The following COL9A3 variants were observed in gnomAD, a reference collection of about 807,000 sequenced individuals.
The protein encoded by COL9A3 is collagen alpha-3(IX) chain.
Under a neutral mutation model 110.2 loss-of-function variants are expected in COL9A3, and 82 were observed. The ratio of observed to expected loss-of-function variants is 0.74; its 90% CI spans 0.62 to 0.89. The LOEUF (loss-of-function observed/expected upper bound fraction) is 0.89. COL9A3 is among the 40% of genes least tolerant of loss of function. The pLI, the probability that COL9A3 is intolerant of heterozygous loss-of-function variation, is 0.00. For missense variants in COL9A3, 1,066 were observed against 981.3 expected (o/e 1.09, Z -1.15); for synonymous variants, 494 against 403.8 (o/e 1.22, Z -2.68).
chr20:62,818,800 G>A (rs1472275497), intron 3 of COL9A3, among the ~76,000 whole-genome samples: 4 of 152,024 alleles, frequency 2.6e-5, no homozygotes, highest in East Asian at 3.9e-4. Context: ...CAGGCAGGCC[G>A]GGACCGGGGC....
chr20:62,836,445 C>T, intron 28 of COL9A3, 33 bp from the exon 29 acceptor site: 2 of 1,613,624 alleles, frequency 1.2e-6, no homozygotes, highest in Non-Finnish European at 1.7e-6. Context: ...GGCTGCCGCC[C>T]CCATGCTGAC....
At chr20:62,822,256 C>T (rs897702008) in intron 9 of COL9A3, 92 bp downstream of exon 9, 20 of 815,512 alleles carry the variant, frequency 2.5e-5, no homozygotes, top group Non-Finnish European at 3.7e-5. Flanking sequence ...GGCTCCATGC[C>T]CCTCCGAGAT....
rs1046584545 is a variant in COL9A3, at chr20:62,825,941, T to C, written c.684+71T>C. The C allele has an allele frequency of 2.1e-5, 31 of 1,486,876 alleles. No homozygotes were observed. In the African/African-American group the frequency reaches 3.8e-4, roughly 18 times the overall value. 92.1% of individuals were successfully genotyped at this position (1,486,876 alleles called of 1,614,324 possible). A position where few individuals can be genotyped will look rare whatever the true frequency, so the allele number is the denominator to read the frequency against. The stretch of plus-strand genomic sequence containing the variant: ...ACAGAGTGATCAAGCCCTGCACATA[T>C]CTACCCCCGAGGGGGCCAGCTCCGG... On this transcript the variant is annotated intron_variant, in intron 13 of 31. Transcript: ENST00000649368.
rs751999493 is a variant in COL9A3 at position 62,819,949 on chromosome 20, A to G, written c.276A>G (p.Gly92=). ...CCCAGGGTCTGACTGGACGAGATGGACCCCCTGGACCCAAGGGTGCCCCTG... is the reference window on the plus strand; with the variant it reads ...CCCAGGGTCTGACTGGACGAGATGGGCCCCCTGGACCCAAGGGTGCCCCTG... The part of the protein sequence containing the change: ...PGVDGLTGRD[G]PPGPKGAPGE... Residue 92 remains glycine, a synonymous_variant, in exon 5 of 32, where the codon GGA becomes GGG. Transcript: ENST00000649368. 20 of 1,612,628 alleles carry G rather than the reference A, an allele frequency of 1.2e-5. No individual in the cohort carries two copies. The highest frequency in any genetic ancestry group is 1.5e-5 in the Non-Finnish European group (18 of 1,179,922).
rs116112147 is a variant in COL9A3, at chr20:62,833,141, G to T, written c.1368+77G>T. ...ACTGTGGCTGGGGAACAGTCCTGGG[G>T]ACAGGGTCAAAATCTGCAGCTCCCG... On this transcript the variant is annotated intron_variant, in intron 26 of 31. Transcript: ENST00000649368. 1.1e-3 allele frequency: 1,306 copies of T among 1,233,956 alleles called. 13 individuals are homozygous for T. The African/African-American group carries it at 0.018, about 17-fold the overall frequency. The allele number at this position is 1,233,956 out of a possible 1,614,324, so 76.4% of individuals were successfully genotyped here. A position where few individuals can be genotyped will look rare whatever the true frequency, so the allele number is the denominator to read the frequency against.
chr20:62,825,994 C>G (rs185842793), intron 13 of COL9A3, 124 bp downstream of exon 13: 3 of 1,197,774 alleles, frequency 2.5e-6, no homozygotes, highest in East Asian at 2.6e-5. Flanking sequence ...AACACCCAGG[C>G]ACAGGAGCGC....
intron 14 of COL9A3, 138 bp from the exon 15 acceptor site, chr20:62,826,629 A>G: frequency 1.2e-6 from 1 of 867,024 alleles, no homozygotes; most frequent in Non-Finnish European, 1.9e-6. Flanking sequence ...GGAGACTACT[A>G]GGTGGCATCT....
In COL9A3 at chr20:62,837,103, G is replaced by T; in HGVS notation, c.1624G>T (p.Ala542Ser). ...MISEQIAQLA[A>S]HLRKPLAPGS... ...CAAAGAACAAATTGCACAGTTAGCC[G>T]CGCACCTAAGGAAGCCTTTGGCACC... The change falls in exon 30 of 32, where the codon GCG becomes TCG. Residue 542 changes from alanine to serine, a missense_variant. Ala to Ser is a moderately conservative substitution (Grantham distance 99). Coordinates refer to ENST00000649368, the MANE Select transcript of COL9A3 (RefSeq NM_001853.4). The T allele has an allele frequency of 1.2e-6, 2 of 1,613,468 alleles. No homozygotes were observed. Among genetic ancestry groups the T allele is most frequent in the South Asian group, 2.2e-5 (2 of 91,084 alleles).
At position 62,821,791 on chromosome 20, in the gene COL9A3, T is replaced by A; in HGVS notation, c.404T>A (p.Ile135Asn). The A allele has an allele frequency of 6.2e-7, 1 of 1,609,336 alleles. No homozygotes were observed. The highest frequency in any genetic ancestry group is 8.5e-7 in the Non-Finnish European group (1 of 1,177,940). ...EAGVSGPPGG[I>N]GLRGPPGPSG... ...GGAGTGAGCGGCCCCCCAGGTGGGATCGGCCTCCGCGGCCCCCCGGTGAGT... is the reference window on the plus strand; with the variant it reads ...GGAGTGAGCGGCCCCCCAGGTGGGAACGGCCTCCGCGGCCCCCCGGTGAGT... The change falls in exon 8 of 32, where the codon ATC (isoleucine) becomes AAC (asparagine). Residue 135 changes from isoleucine to asparagine, a missense_variant. By Grantham distance (149) the Ile-to-Asn change is moderately radical. Transcript: ENST00000649368.
intron 10 of COL9A3, among the ~76,000 whole-genome samples, chr20:62,823,861 T>C (rs1342576812): frequency 5.3e-5 from 8 of 152,260 alleles, no homozygotes; most frequent in Non-Finnish European, 5.9e-5. Context: ...GCTGCTTTGA[T>C]AGCCAGTGTC....
intron 24 of COL9A3, 31 bp downstream of exon 24, chr20:62,830,619 T>A: frequency 6.7e-7 from 1 of 1,482,138 alleles, no homozygotes; most frequent in South Asian, 1.2e-5. Context: ...GAAGCTCCCC[T>A]GCACCCCCTC....
chr20:62,829,494 G>GA lies in COL9A3; in HGVS notation c.1050dup (p.Arg351ThrfsTer9). 6.2e-7 allele frequency: 1 copy of GA among 1,610,976 alleles called. No individual in the cohort carries two copies. Among genetic ancestry groups the GA allele is most frequent in the Non-Finnish European group, 8.5e-7 (1 of 1,178,946 alleles). On this transcript the variant is annotated frameshift_variant, in exon 20 of 32. Transcript: ENST00000649368. LOFTEE classifies it high-confidence loss of function. Reference sequence around the variant, plus strand: ...AGCGGGGTCCAAAGGCGAGAAGGGAGAACGGGTATGTGGCTGCAGCCGCTT... The same window carrying GA: ...AGCGGGGTCCAAAGGCGAGAAGGGAGAAACGGGTATGTGGCTGCAGCCGCTT...
intron 14 of COL9A3, among the ~76,000 whole-genome samples, chr20:62,826,467 C>T (rs999144793): frequency 2.6e-5 from 4 of 152,182 alleles, no homozygotes; most frequent in African/African-American, 9.7e-5. Flanking sequence ...CACTGATGCC[C>T]GCACGCGGTC....
At chr20:62,832,949 G>A (rs191210334) in intron 25 of COL9A3, 71 bp from the exon 26 acceptor site, 1 of 1,380,206 alleles carries the variant, frequency 7.2e-7, no homozygotes, top group Non-Finnish European at 1.0e-6. Context: ...CTTGAGAGCA[G>A]GGACTTTAAG....
At chr20:62,835,882 A>C (rs1249152939) in intron 26 of COL9A3, 39 bp from the exon 27 acceptor site, 2 of 1,613,406 alleles carry the variant, frequency 1.2e-6, no homozygotes, top group African/African-American at 2.7e-5. Flanking sequence ...CCCACCCAAC[A>C]ATACACTTAG....
In COL9A3 at chr20:62,822,586, C is replaced by T. The variant is rs770742137; in HGVS notation, c.478-5C>T. 3.1e-6 allele frequency: 5 copies of T among 1,612,358 alleles called. No individual in the cohort carries two copies. In the South Asian group the frequency reaches 4.4e-5, roughly 14 times the overall value. Reference sequence around the variant, plus strand: ...GAGAATGTCAGCTGTCTCTTTTTGTCTTAGGGACACCCAGGAGTCCTCCCT... The same window carrying T: ...GAGAATGTCAGCTGTCTCTTTTTGTTTTAGGGACACCCAGGAGTCCTCCCT... On this transcript the variant is annotated splice_region_variant and splice_polypyrimidine_tract_variant and intron_variant, in intron 9 of 31. Transcript: ENST00000649368.
intron 2 of COL9A3, among the ~76,000 whole-genome samples, 181 bp from the exon 3 acceptor site, chr20:62,818,337 T>A (rs1390743157): frequency 1.3e-5 from 2 of 152,222 alleles, no homozygotes; most frequent in Non-Finnish European, 2.9e-5. Context: ...CTTTGCCCAG[T>A]GCTGCCCCAC....
chr20:62,821,355 G>A, intron 6 of COL9A3, 139 bp downstream of exon 6: 1 of 1,341,658 alleles, frequency 7.5e-7, no homozygotes, highest in Non-Finnish European at 1.1e-6. Context: ...GCTGGTGCCT[G>A]GATGGGGTCC....
At chr20:62,830,027 C>G (rs754851683) in intron 22 of COL9A3, among the ~76,000 whole-genome samples, 42 of 152,166 alleles carry the variant, frequency 2.8e-4, no homozygotes, top group Non-Finnish European at 5.1e-4. Flanking sequence ...GCCCTGTTTT[C>G]AAGCCTTCTA....
Sources: allele counts gnomAD v4.1 joint callset (sites outside exome capture counted in the v4.1 genomes callset), GRCh38; gene constraint gnomAD v4.1.1; transcripts MANE v1.5; gene names NCBI Gene and HGNC (gene_info 2026-07-23, HGNC 2026-07-21).